Variants in ARL13B observed in about 807,000 individuals in gnomAD.
The protein encoded by ARL13B is ADP-ribosylation factor-like protein 13B.
Under a neutral mutation model 56.1 loss-of-function variants are expected in ARL13B, and 36 were observed. The observed-to-expected ratio is 0.64, with a 90% CI of 0.49 to 0.85. The LOEUF (loss-of-function observed/expected upper bound fraction) is 0.85. Among genes scored for constraint, ARL13B ranks in the 40% least tolerant of loss-of-function variants. The probability of loss-of-function intolerance (pLI) is 0.00; values close to 1 mark genes in which losing one functional copy is unlikely to be tolerated. For synonymous variants in ARL13B, 178 were observed against 171.1 expected, an observed-to-expected ratio of 1.04 and a Z score of -0.32; for missense variants, 519 against 507.1, an observed-to-expected ratio of 1.02 and a Z score of -0.23.
intron 5 of ARL13B, among the ~76,000 whole-genome samples, chr3:94,038,237 C>T: frequency 6.6e-6 from 1 of 152,122 alleles, no homozygotes; most frequent in South Asian, 2.1e-4. Flanking sequence ...TTTATCTGAC[C>T]CTTGATACAG....
At chr3:94,013,129 T>C (rs1575973780) in intron 3 of ARL13B, among the ~76,000 whole-genome samples, 1 of 152,148 alleles carries the variant, frequency 6.6e-6, no homozygotes, top group South Asian at 2.1e-4. Flanking sequence ...TCAGGGTCTT[T>C]GTACTATTTG....
At chr3:93,987,752 G>A (rs1251980776) in intron 1 of ARL13B, among the ~76,000 whole-genome samples, 2 of 151,906 alleles carry the variant, frequency 1.3e-5, no homozygotes, top group African/African-American at 4.8e-5. Flanking sequence ...GGGCTCAACC[G>A]ATCCTCCCAC....
intron 3 of ARL13B, chr3:94,014,274 A>G: frequency 3.4e-6 from 3 of 872,876 alleles, no homozygotes; most frequent in Non-Finnish European, 4.8e-6. Context: ...ACAACTTAAC[A>G]GTGATGAAAG....
intron 1 of ARL13B, among the ~76,000 whole-genome samples, chr3:93,983,821 A>G (rs934231299): frequency 1.3e-5 from 2 of 152,138 alleles, no homozygotes; most frequent in African/African-American, 4.8e-5. Flanking sequence ...TGTCGTAGCT[A>G]CTGTTTCTCT....
Position 94,055,276 on chromosome 3 carries a change from T to G in ARL13B, c.*2013T>G. The G allele has an allele frequency of 2.4e-6, 1 of 417,072 alleles. No homozygotes were observed. Among genetic ancestry groups the G allele is most frequent in the Non-Finnish European group, 4.7e-6 (1 of 214,172 alleles). The allele number at this position is 417,072 out of a possible 1,614,324, so 25.8% of individuals were successfully genotyped here. ...TTTCACACAATAAAAATAATTTATA[T>G]CAATATTCTGTTTCTCTTTTCAATT... On this transcript the variant is annotated 3_prime_UTR_variant, in exon 10 of 10. Coordinates refer to ENST00000394222, the MANE Select transcript of ARL13B (RefSeq NM_001174150.2).
chr3:94,001,689 T>C (rs2076057814), intron 2 of ARL13B, among the ~76,000 whole-genome samples: 1 of 152,206 alleles, frequency 6.6e-6, no homozygotes, highest in Non-Finnish European at 1.5e-5. Context: ...TACTCATCTT[T>C]GCACCCTTGA....
chr3:93,995,940 A>C lies in ARL13B; in HGVS notation c.126A>C (p.Gln42His). 1 of 1,612,934 alleles carries C rather than the reference A, an allele frequency of 6.2e-7. No homozygotes were observed. The highest frequency in any genetic ancestry group is 8.5e-7 in the Non-Finnish European group (1 of 1,179,252). The change falls in exon 2 of 10, where the codon CAA becomes CAC. Residue 42 changes from glutamine to histidine, a missense_variant. Gln to His is a conservative substitution (Grantham distance 24). Coordinates refer to ENST00000394222, the MANE Select transcript of ARL13B (RefSeq NM_001174150.2). ...AGKTATAKGI[Q>H]GEYPEDVAPT... is the part of the protein sequence containing the mutation. ...AAACCGCAACAGCAAAGGGAATCCA[A>C]GGAGGTAAGCTGAAAACATTTATGT... is the stretch of plus-strand genomic sequence containing the variant.
chr3:94,003,975 T>G, intron 3 of ARL13B, 67 bp downstream of exon 3: 1 of 1,602,988 alleles, frequency 6.2e-7, no homozygotes, highest in Middle Eastern at 1.7e-4. Context: ...AATTTACCTG[T>G]TACAGACTAG....
intron 2 of ARL13B, among the ~76,000 whole-genome samples, chr3:93,997,666 T>C (rs1575945693): frequency 6.6e-6 from 1 of 152,166 alleles, no homozygotes; most frequent in African/African-American, 2.4e-5. Flanking sequence ...ATTTTTATAC[T>C]GTAGTGTGAA....
At chr3:94,035,236 C>CAAAA (rs374163446) in intron 3 of ARL13B, 95 bp from the exon 4 acceptor site, 28 of 555,914 alleles carry the variant, frequency 5.0e-5, no homozygotes, top group South Asian at 1.2e-4. Context: ...GACTCAGTCT[C>CAAAA]AAAAAAAAAA....
At chr3:94,026,021 CT>C (rs548770030) in intron 3 of ARL13B, among the ~76,000 whole-genome samples, 184 of 140,282 alleles carry the variant, frequency 1.3e-3, no homozygotes, top group Non-Finnish European at 1.5e-3. Flanking sequence ...GAAAACTTCT[CT>C]TTTTTTTTTT....
At chr3:94,044,998 A>G (rs1560013125) in intron 7 of ARL13B, among the ~76,000 whole-genome samples, 1 of 152,188 alleles carries the variant, frequency 6.6e-6, no homozygotes, top group Non-Finnish European at 1.5e-5. Flanking sequence ...GGTTTTGTCG[A>G]AAAGAAAAGG....
At chr3:94,011,306 TTAG>T (rs2076220849) in intron 3 of ARL13B, among the ~76,000 whole-genome samples, 1 of 152,138 alleles carries the variant, frequency 6.6e-6, no homozygotes, top group African/African-American at 2.4e-5. Context: ...CATCGATAGA[TTAG>T]TAATACGTGA....
intron 3 of ARL13B, chr3:94,014,853 T>G (rs2076295054): frequency 1.2e-6 from 2 of 1,613,990 alleles, no homozygotes; most frequent in Non-Finnish European, 1.7e-6. Flanking sequence ...GGCGGAACAT[T>G]GCAGCATGCT....
At chr3:94,033,029 A>G (rs909705039) in intron 3 of ARL13B, among the ~76,000 whole-genome samples, 1 of 152,258 alleles carries the variant, frequency 6.6e-6, no homozygotes, top group Admixed American at 6.5e-5. Flanking sequence ...CATACATAAA[A>G]TGGAATGCTA....
Position 94,032,751 on chromosome 3 carries a change from C to T in ARL13B, c.381-2580C>T, listed in dbSNP as rs558620472. 2.0e-5 allele frequency among the ~76,000 whole-genome samples: 3 copies of T among 152,308 alleles called. No homozygotes were observed. The South Asian group carries it at 6.2e-4, about 32-fold the overall frequency. The stretch of plus-strand genomic sequence containing the variant: ...GACCTTGTGATCCGCCCGCCTCGGC[C>T]TCCCAAAGTGCTGGGATTACAGGCG... On this transcript the variant is annotated intron_variant, in intron 3 of 9. Transcript: ENST00000394222.
chr3:93,980,662 C>T (rs1305117882), intron 1 of ARL13B, among the ~76,000 whole-genome samples, 180 bp downstream of exon 1: 3 of 151,844 alleles, frequency 2.0e-5, no homozygotes, highest in Non-Finnish European at 4.4e-5. Flanking sequence ...GTCTGGTCGA[C>T]TTTCTGTTGC....
chr3:93,990,795 G>A (rs1044396817), intron 1 of ARL13B, among the ~76,000 whole-genome samples: 1 of 152,080 alleles, frequency 6.6e-6, no homozygotes, highest in Non-Finnish European at 1.5e-5. Context: ...TAATGTGATT[G>A]GTATTTTCTC....
chr3:93,991,158 ATGAT>A (rs1187798930), intron 1 of ARL13B, among the ~76,000 whole-genome samples: 2 of 152,206 alleles, frequency 1.3e-5, no homozygotes, highest in Admixed American at 6.5e-5. Context: ...AAATGATTAA[ATGAT>A]TGATTTTATT....
Sources: gnomAD v4.1 joint callset for allele counts (sites outside exome capture counted in the v4.1 genomes callset) on GRCh38, gnomAD v4.1.1 for gene constraint, MANE v1.5 for transcripts, NCBI Gene and HGNC (gene_info 2026-07-23, HGNC 2026-07-21) for gene names.